CNTNAP2: variants seen among roughly 807,000 people sequenced by gnomAD.
The protein encoded by CNTNAP2 is contactin associated protein 2.
In CNTNAP2, 98 loss-of-function variants were observed where a neutral mutation model predicts 155.2. The ratio of observed to expected loss-of-function variants is 0.63; its 90% CI spans 0.54 to 0.75. CNTNAP2 has a LOEUF of 0.75. Among genes scored for constraint, CNTNAP2 ranks in the 30% least tolerant of loss-of-function variants. The pLI is 0.00. For synonymous variants in CNTNAP2, 651 were observed against 631.2 expected (o/e 1.03, Z -0.47); for missense variants, 1,727 against 1,688.1 (o/e 1.02, Z -0.40).
chr7:146,236,099 G>GA (rs1230152601), intron 1 of CNTNAP2, among the ~76,000 whole-genome samples: 2 of 151,970 alleles, frequency 1.3e-5, no homozygotes, highest in African/African-American at 4.8e-5. Flanking sequence ...ACTGCCATAT[G>GA]ATGGGTGCCT....
intron 15 of CNTNAP2, among the ~76,000 whole-genome samples, chr7:147,993,596 A>AG (rs370615641): frequency 6.6e-6 from 1 of 152,214 alleles, no homozygotes; most frequent in African/African-American, 2.4e-5. Flanking sequence ...ACCTTCACTT[A>AG]GGGGTTGAGA....
intron 16 of CNTNAP2, 31 bp downstream of exon 16, chr7:148,118,319 G>A (rs1473947961): frequency 6.2e-7 from 1 of 1,613,134 alleles, no homozygotes; most frequent in Middle Eastern, 1.7e-4. Context: ...AACTCATGGG[G>A]AGCCACTTTC....
rs2129130607 is a variant in CNTNAP2 at position 146,488,604 on chromosome 7, G to A, written c.98-285667G>A. Among the ~76,000 whole-genome samples the A allele has an allele frequency of 2.0e-5, 3 of 151,952 alleles. No homozygotes were observed. The South Asian group carries it at 6.3e-4, about 32-fold the overall frequency. On this transcript the variant is annotated intron_variant, in intron 1 of 23. Transcript: ENST00000361727. ...CTAATGAAACGCTCTTAAAACAGAA[G>A]TTTTGTTTGTTTCTGTTTTTTGTTT...
chr7:146,792,271 A>C (rs1022481680), intron 2 of CNTNAP2, among the ~76,000 whole-genome samples: 1 of 152,174 alleles, frequency 6.6e-6, no homozygotes. Context: ...AAAAAGCTAA[A>C]AAAAAAACAC....
At chr7:148,141,471 G>C (rs1234137992) in intron 16 of CNTNAP2, among the ~76,000 whole-genome samples, 3 of 152,214 alleles carry the variant, frequency 2.0e-5, no homozygotes, top group African/African-American at 7.2e-5. Flanking sequence ...GGCTGGCCTT[G>C]GGAAAATGAG....
chr7:147,319,820 T>C (rs187848571), intron 9 of CNTNAP2, among the ~76,000 whole-genome samples: 1 of 152,340 alleles, frequency 6.6e-6, no homozygotes, highest in African/African-American at 2.4e-5. Flanking sequence ...AGTAACGATT[T>C]AAACTGGATG....
At chr7:147,870,650 T>C (rs905940477) in intron 13 of CNTNAP2, among the ~76,000 whole-genome samples, 6 of 152,210 alleles carry the variant, frequency 3.9e-5, no homozygotes, top group Non-Finnish European at 8.8e-5. Context: ...TGCAAATCTT[T>C]ATATGCCGCA....
intron 2 of CNTNAP2, among the ~76,000 whole-genome samples, chr7:146,782,958 C>T (rs2129187476): frequency 6.6e-6 from 1 of 152,054 alleles, no homozygotes; most frequent in Non-Finnish European, 1.5e-5. Context: ...TGTGTGTTTT[C>T]CCCCATTATC....
intron 10 of CNTNAP2, among the ~76,000 whole-genome samples, chr7:147,479,332 G>C (rs916761723): frequency 1.3e-5 from 2 of 152,142 alleles, no homozygotes; most frequent in Non-Finnish European, 2.9e-5. Flanking sequence ...AATTATGTTT[G>C]CATGAATAAA....
At chr7:146,947,118 G>A (rs181594974) in intron 3 of CNTNAP2, among the ~76,000 whole-genome samples, 1 of 151,562 alleles carries the variant, frequency 6.6e-6, no homozygotes, top group Non-Finnish European at 1.5e-5. Context: ...TGTAACTTCT[G>A]CCTCCCATGT....
At chr7:147,135,561 C>A (rs1451309642) in intron 8 of CNTNAP2, among the ~76,000 whole-genome samples, 1 of 151,650 alleles carries the variant, frequency 6.6e-6, no homozygotes, top group Non-Finnish European at 1.5e-5. Flanking sequence ...AATAGCTGTT[C>A]ATTCTGGGCA....
chr7:148,404,935 C>A (rs1799664222), intron 22 of CNTNAP2, among the ~76,000 whole-genome samples: 1 of 152,300 alleles, frequency 6.6e-6, no homozygotes, highest in African/African-American at 2.4e-5. Context: ...TCTCTTCTCT[C>A]CTCTGCCACA....
intron 1 of CNTNAP2, 29 bp from the exon 2 acceptor site, chr7:146,774,242 C>G: frequency 2.9e-5 from 44 of 1,510,842 alleles, no homozygotes; most frequent in Non-Finnish European, 3.7e-5. Context: ...TGTTGAGTGT[C>G]TCTCTCCCTC....
At chr7:148,024,433 A>G (rs1389761785) in intron 15 of CNTNAP2, among the ~76,000 whole-genome samples, 1 of 152,178 alleles carries the variant, frequency 6.6e-6, no homozygotes, top group East Asian at 1.9e-4. Context: ...CTGGAAACAC[A>G]GTGTCTCCAA....
chr7:146,823,922 C>T (rs1467044963), intron 2 of CNTNAP2, among the ~76,000 whole-genome samples: 1 of 151,902 alleles, frequency 6.6e-6, no homozygotes, highest in East Asian at 1.9e-4. Context: ...GCAGAACATG[C>T]AGGTTTATTA....
chr7:146,847,966 T>C (rs1794791173), intron 3 of CNTNAP2, among the ~76,000 whole-genome samples: 1 of 152,212 alleles, frequency 6.6e-6, no homozygotes, highest in South Asian at 2.1e-4. Context: ...CCCATTTTTG[T>C]CTACAGTACT....
intron 1 of CNTNAP2, among the ~76,000 whole-genome samples, chr7:146,417,203 T>A (rs1274556598): frequency 1.3e-5 from 2 of 152,106 alleles, no homozygotes; most frequent in Admixed American, 6.6e-5. Flanking sequence ...AAAAGATATA[T>A]CTGTATAAAG....
chr7:146,316,705 A>G lies in CNTNAP2; in HGVS notation c.97+199732A>G, dbSNP rs139106723. Among the ~76,000 whole-genome samples the G allele has an allele frequency of 4.1e-3, 617 of 152,204 alleles. 3 individuals carry two copies. Among genetic ancestry groups the G allele is most frequent in the African/African-American group, 0.014 (581 of 41,536 alleles). On this transcript the variant is annotated intron_variant, in intron 1 of 23. Transcript: ENST00000361727. ...GCAAAGGATAAGCAGGATGTTTTCT[A>G]TTTATAACTGTGTCCTGTATGACAG...
At chr7:147,285,408 A>G (rs1805154516) in intron 8 of CNTNAP2, among the ~76,000 whole-genome samples, 1 of 151,994 alleles carries the variant, frequency 6.6e-6, no homozygotes, top group East Asian at 1.9e-4. Flanking sequence ...AAAATTTTGA[A>G]ATATTTCAAA....
Sources: allele counts gnomAD v4.1 joint callset (sites outside exome capture counted in the v4.1 genomes callset), GRCh38; gene constraint gnomAD v4.1.1; transcripts MANE v1.5; gene names NCBI Gene and HGNC (gene_info 2026-07-23, HGNC 2026-07-21).